EVI5: variants seen among roughly 807,000 people sequenced by gnomAD.
EVI5 encodes ecotropic viral integration site 5 protein homolog.
Under a neutral mutation model 112.0 loss-of-function variants are expected in EVI5, and 73 were observed. That is an observed-to-expected ratio of 0.65 (90% CI 0.54 to 0.79). The LOEUF (loss-of-function observed/expected upper bound fraction) is 0.79. Ranked by LOEUF, EVI5 falls within the 30% of genes least tolerant of loss-of-function variation. EVI5 has a pLI of 0.00. For missense variants in EVI5, 900 were observed against 968.8 expected (o/e 0.93, Z 0.94); for synonymous variants, 305 against 319.9 (o/e 0.95, Z 0.50).
intron 19 of EVI5, among the ~76,000 whole-genome samples, chr1:92,546,758 T>C (rs1398412944): frequency 1.3e-5 from 2 of 152,050 alleles, no homozygotes; most frequent in Admixed American, 6.6e-5. Context: ...AAGAAGGCCA[T>C]TACATAATGG....
At chr1:92,582,708 CAA>C (rs1672133076) in intron 18 of EVI5, among the ~76,000 whole-genome samples, 1 of 152,164 alleles carries the variant, frequency 6.6e-6, no homozygotes, top group African/African-American at 2.4e-5. Flanking sequence ...CTTGGTAGCC[CAA>C]GTTTCCTTTG....
chr1:92,597,761 C>T (rs1030852939), intron 18 of EVI5, among the ~76,000 whole-genome samples: 1 of 152,162 alleles, frequency 6.6e-6, no homozygotes. Context: ...ACAGTAAGCA[C>T]CCAATATAGC....
At chr1:92,538,244 C>T (rs921536058) in intron 19 of EVI5, among the ~76,000 whole-genome samples, 1 of 152,132 alleles carries the variant, frequency 6.6e-6, no homozygotes, top group Non-Finnish European at 1.5e-5. Flanking sequence ...CTAAGGTCAA[C>T]GCTGATGAGG....
chr1:92,764,898 T>G (rs1310409508), intron 1 of EVI5, among the ~76,000 whole-genome samples: 3 of 152,150 alleles, frequency 2.0e-5, no homozygotes, highest in Non-Finnish European at 4.4e-5. Flanking sequence ...TGCCAAAAAA[T>G]TATGTCTTAT....
At chr1:92,620,684 T>C (rs540301872) in intron 16 of EVI5, among the ~76,000 whole-genome samples, 1 of 152,034 alleles carries the variant, frequency 6.6e-6, no homozygotes, top group Admixed American at 6.5e-5. Flanking sequence ...TCTTTTAAAA[T>C]TGAAGAAATA....
At position 92,661,854 on chromosome 1, in the gene EVI5, T is replaced by C. The variant is rs1437174038; in HGVS notation, c.1392+865A>G. On this transcript the variant is annotated intron_variant, in intron 13 of 19. Transcript: ENST00000684568. ...ACTCTATTTGCCTTCCAGATCTGCA[T>C]AGAGTTCCAGGATTAACACAACTTC... Among the ~76,000 whole-genome samples the C allele has an allele frequency of 3.3e-5, 5 of 152,288 alleles. No individual in the cohort carries two copies. In the South Asian group the frequency reaches 6.2e-4, roughly 19 times the overall value.
intron 9 of EVI5, among the ~76,000 whole-genome samples, chr1:92,682,942 A>G (rs181115195): frequency 1.7e-4 from 26 of 152,312 alleles, no homozygotes; most frequent in Admixed American, 1.6e-3. Context: ...GTGTAAATAT[A>G]GTTAAAAAGG....
intron 18 of EVI5, among the ~76,000 whole-genome samples, chr1:92,573,956 T>C (rs757998390): frequency 2.6e-5 from 4 of 152,070 alleles, no homozygotes; most frequent in Admixed American, 6.6e-5. Context: ...CTCAAAAGTG[T>C]TGTATCTGTA....
chr1:92,745,200 A>G (rs1393771193), intron 1 of EVI5, among the ~76,000 whole-genome samples: 1 of 151,578 alleles, frequency 6.6e-6, no homozygotes, highest in Non-Finnish European at 1.5e-5. Context: ...TCAGGCTCCA[A>G]AAGTGCTGAG....
At chr1:92,634,922 G>T (rs956493211) in intron 14 of EVI5, among the ~76,000 whole-genome samples, 1 of 152,244 alleles carries the variant, frequency 6.6e-6, no homozygotes, top group Non-Finnish European at 1.5e-5. Context: ...CTGCAAGTCT[G>T]TTGGAGTTTG....
chr1:92,589,078 T>C (rs1476902868), intron 18 of EVI5, among the ~76,000 whole-genome samples: 2 of 152,200 alleles, frequency 1.3e-5, no homozygotes, highest in South Asian at 2.1e-4. Flanking sequence ...TCAGGTAAGA[T>C]GGCATTAACA....
At chr1:92,730,527 A>G (rs1676280537) in intron 2 of EVI5, among the ~76,000 whole-genome samples, 1 of 151,822 alleles carries the variant, frequency 6.6e-6, no homozygotes, top group African/African-American at 2.4e-5. Flanking sequence ...ATATTAAAAA[A>G]AAAAATTAAC....
chr1:92,783,808 CAA>C lies in EVI5; in HGVS notation c.-82+1026_-82+1027del, dbSNP rs58484805. Reference sequence around the variant, plus strand: ...CTGGCGACAGAGCGAGACTCCCTGTCAAAAAAAAAAAAAAAAAAGAAAAGAAA... The same window carrying C: ...CTGGCGACAGAGCGAGACTCCCTGTCAAAAAAAAAAAAAAAAGAAAAGAAA... On this transcript the variant is annotated intron_variant, in intron 1 of 19. Coordinates refer to ENST00000684568, the MANE Select transcript of EVI5 (RefSeq NM_001350197.2). Among the ~76,000 whole-genome samples the C allele has an allele frequency of 5.8e-3, 549 of 94,238 alleles. 3 individuals carry two copies. The highest frequency in any genetic ancestry group is 0.017 in the African/African-American group (417 of 24,416). 61.8% of individuals were successfully genotyped at this position (94,238 alleles called of 152,430 possible).
intron 19 of EVI5, among the ~76,000 whole-genome samples, chr1:92,516,907 C>T (rs1438128846): frequency 2.0e-5 from 3 of 151,930 alleles, no homozygotes; most frequent in Non-Finnish European, 4.4e-5. Flanking sequence ...AGAAAAAAAT[C>T]CTTATGGGTA....
At chr1:92,553,787 T>C (rs1310777658) in intron 19 of EVI5, among the ~76,000 whole-genome samples, 1 of 152,186 alleles carries the variant, frequency 6.6e-6, no homozygotes, top group Admixed American at 6.5e-5. Context: ...ATACATTCTT[T>C]TAAATGGCAA....
intron 1 of EVI5, among the ~76,000 whole-genome samples, chr1:92,783,159 T>A (rs1336306029): frequency 1.3e-5 from 2 of 152,100 alleles, no homozygotes; most frequent in Non-Finnish European, 2.9e-5. Context: ...TTCTCTATAC[T>A]TCAATAACTT....
At chr1:92,594,271 G>A (rs1250334187) in intron 18 of EVI5, among the ~76,000 whole-genome samples, 1 of 152,086 alleles carries the variant, frequency 6.6e-6, no homozygotes. Context: ...ACATATCTAT[G>A]ACTATCTGAT....
At chr1:92,525,117 T>C (rs1023107076) in intron 19 of EVI5, among the ~76,000 whole-genome samples, 3 of 152,072 alleles carry the variant, frequency 2.0e-5, no homozygotes, top group Non-Finnish European at 2.9e-5. Context: ...CAGGAATCAC[T>C]GGCGCCCAGC....
At chr1:92,535,232 G>A (rs1663658126) in intron 19 of EVI5, among the ~76,000 whole-genome samples, 2 of 152,048 alleles carry the variant, frequency 1.3e-5, no homozygotes, top group African/African-American at 4.8e-5. Context: ...CTCATAGAAT[G>A]GTGATCATTA....
Sources: gnomAD v4.1 joint callset for allele counts (sites outside exome capture counted in the v4.1 genomes callset) on GRCh38, gnomAD v4.1.1 for gene constraint, MANE v1.5 for transcripts, NCBI Gene and HGNC (gene_info 2026-07-23, HGNC 2026-07-21) for gene names.